SEMA5A: variants seen among roughly 807,000 people sequenced by gnomAD.
SEMA5A encodes the protein semaphorin 5A.
A neutral mutation model predicts 135.5 loss-of-function variants in SEMA5A; 55 were observed. The ratio of observed to expected loss-of-function variants is 0.41; its 90% CI spans 0.33 to 0.51. The LOEUF (loss-of-function observed/expected upper bound fraction) is 0.51, where lower values mean the gene tolerates loss of function less well. Among genes scored for constraint, SEMA5A ranks in the 20% least tolerant of loss-of-function variants. SEMA5A has a pLI of 0.37. For missense variants in SEMA5A, 1,290 were observed against 1,419.9 expected (o/e 0.91, Z 1.47); for synonymous variants, 580 against 546.5 (o/e 1.06, Z -0.85).
chr5:9,424,571 C>T (rs774018481), intron 2 of SEMA5A, among the ~76,000 whole-genome samples: 33 of 152,168 alleles, frequency 2.2e-4, no homozygotes, highest in Non-Finnish European at 2.5e-4. Context: ...TATCTGTCTA[C>T]TCTCTAGACC....
rs1738317197 is a variant in SEMA5A at position 9,545,194 on chromosome 5, C to A, written c.-175+390G>T. Reference sequence around the variant, plus strand: ...AAGTCCCGACCTCCGTGTCCCCTGCCCCCGGCTCGCGGCAGTGCGAGCCTG... The same window carrying A: ...AAGTCCCGACCTCCGTGTCCCCTGCACCCGGCTCGCGGCAGTGCGAGCCTG... On this transcript the variant is annotated intron_variant, in intron 1 of 22. Coordinates refer to ENST00000382496, the MANE Select transcript of SEMA5A (RefSeq NM_003966.3). This position sits in a 1 kb window ranked among gnomAD's most constrained non-coding sequence, Gnocchi z 4.5. 6.6e-6 allele frequency among the ~76,000 whole-genome samples: 1 copy of A among 152,134 alleles called. No homozygotes were observed. The highest frequency in any genetic ancestry group is 1.5e-5 in the Non-Finnish European group (1 of 68,016).
intron 16 of SEMA5A, among the ~76,000 whole-genome samples, chr5:9,093,725 C>A (rs972753807): frequency 4.6e-5 from 7 of 151,500 alleles, no homozygotes; most frequent in African/African-American, 7.3e-5. Context: ...CAAAAAAAAA[C>A]CGAATGACTG....
At chr5:9,190,581 A>ATCATTGAAGTATGCAAACATGTCTGC in intron 10 of SEMA5A, 110 bp from the exon 11 acceptor site, 1 of 947,070 alleles carries the variant, frequency 1.1e-6, no homozygotes, top group Non-Finnish European at 1.6e-6. Context: ...GCCACAATCC[A>ATCATTGAAGTATGCAAACATGTCTGC]TCATTGAAGT....
chr5:9,234,061 C>G (rs1040265188), intron 6 of SEMA5A, among the ~76,000 whole-genome samples: 15 of 152,210 alleles, frequency 9.9e-5, no homozygotes, highest in Non-Finnish European at 2.1e-4. Flanking sequence ...AGCAAAACTA[C>G]AAAACAGCTG....
At chr5:9,322,186 T>C (rs1307109326) in intron 4 of SEMA5A, among the ~76,000 whole-genome samples, 3 of 152,198 alleles carry the variant, frequency 2.0e-5, no homozygotes, top group Non-Finnish European at 4.4e-5. Context: ...ACTCTTCTGA[T>C]CATTATTTTT....
chr5:9,258,008 C>T (rs753019613), intron 5 of SEMA5A, among the ~76,000 whole-genome samples: 5 of 152,152 alleles, frequency 3.3e-5, no homozygotes, highest in African/African-American at 4.8e-5. Context: ...TAGCTGCCAG[C>T]ACCTAGTGCA....
chr5:9,096,323 T>C (rs1739308899), intron 16 of SEMA5A, among the ~76,000 whole-genome samples: 1 of 152,224 alleles, frequency 6.6e-6, no homozygotes, highest in South Asian at 2.1e-4. Context: ...TTGTGTTATT[T>C]GACCTATATC....
intron 11 of SEMA5A, among the ~76,000 whole-genome samples, chr5:9,172,206 G>T (rs189006187): frequency 6.6e-6 from 1 of 152,260 alleles, no homozygotes; most frequent in East Asian, 1.9e-4. Context: ...TATCCAATCC[G>T]TGCACAGAGA....
At chr5:9,050,080 C>T (rs773058215) in intron 21 of SEMA5A, among the ~76,000 whole-genome samples, 1 of 152,128 alleles carries the variant, frequency 6.6e-6, no homozygotes, top group Non-Finnish European at 1.5e-5. Flanking sequence ...GAATCACCTG[C>T]AAGGCTAATT....
At chr5:9,423,259 A>T (rs1450794632) in intron 2 of SEMA5A, among the ~76,000 whole-genome samples, 1 of 152,248 alleles carries the variant, frequency 6.6e-6, no homozygotes, top group Non-Finnish European at 1.5e-5. Context: ...ACGAATTTTT[A>T]AAGTGAGATA....
At chr5:9,321,617 C>G (rs187294805) in intron 4 of SEMA5A, among the ~76,000 whole-genome samples, 25 of 152,266 alleles carry the variant, frequency 1.6e-4, no homozygotes, top group Non-Finnish European at 3.4e-4. Flanking sequence ...CTAAGAAAAA[C>G]ACTTGGAATG....
chr5:9,133,433 T>C (rs1443274234), intron 13 of SEMA5A, among the ~76,000 whole-genome samples: 1 of 152,204 alleles, frequency 6.6e-6, no homozygotes, highest in African/African-American at 2.4e-5. Context: ...TGTATATGCT[T>C]AACTTATCTA....
chr5:9,115,968 C>T (rs1000812511), intron 15 of SEMA5A, among the ~76,000 whole-genome samples: 3 of 152,182 alleles, frequency 2.0e-5, no homozygotes, highest in Non-Finnish European at 2.9e-5. Context: ...CAAGTGACAA[C>T]ACCAGGAAGG....
At position 9,383,631 on chromosome 5, in the gene SEMA5A, G is replaced by A. The variant is rs138221675; in HGVS notation, c.-77-3608C>T. Reference sequence around the variant, plus strand: ...GCCCTGTCATTATCTCCAAGAATGAGTGCAAATCAACTAGGGACTAAGAGC... The same window carrying A: ...GCCCTGTCATTATCTCCAAGAATGAATGCAAATCAACTAGGGACTAAGAGC... On this transcript the variant is annotated intron_variant, in intron 2 of 22. Transcript: ENST00000382496. 3.3e-5 allele frequency among the ~76,000 whole-genome samples: 5 copies of A among 152,314 alleles called. No individual in the cohort carries two copies. In the East Asian group the frequency reaches 9.6e-4, roughly 29 times the overall value.
chr5:9,390,936 G>A (rs1387835873), intron 2 of SEMA5A: 3 of 152,172 alleles, frequency 2.0e-5, no homozygotes, highest in Admixed American at 2.0e-4. Context: ...CCATTTTGCA[G>A]ATGTGGAGAC....
At chr5:9,216,702 T>C (rs1026745747) in intron 8 of SEMA5A, among the ~76,000 whole-genome samples, 5 of 152,230 alleles carry the variant, frequency 3.3e-5, no homozygotes, top group African/African-American at 1.2e-4. Flanking sequence ...AGTTATGTCA[T>C]CTTGTTGAAC....
intron 7 of SEMA5A, among the ~76,000 whole-genome samples, chr5:9,225,949 T>C (rs1747287378): frequency 6.6e-6 from 1 of 152,138 alleles, no homozygotes; most frequent in African/African-American, 2.4e-5. Flanking sequence ...CTGGGTAAGT[T>C]CCTTCAGCTC....
intron 2 of SEMA5A, among the ~76,000 whole-genome samples, chr5:9,393,813 G>T (rs1267468602): frequency 6.6e-6 from 1 of 152,044 alleles, no homozygotes; most frequent in Non-Finnish European, 1.5e-5. Context: ...TTCAACATCT[G>T]CCCAAGAAAT....
At chr5:9,222,631 G>C (rs1045378675) in intron 8 of SEMA5A, among the ~76,000 whole-genome samples, 2 of 152,236 alleles carry the variant, frequency 1.3e-5, no homozygotes, top group African/African-American at 2.4e-5. Context: ...TCTTAGAAAT[G>C]AACAGCAGAA....
Sources: allele counts gnomAD v4.1 joint callset (sites outside exome capture counted in the v4.1 genomes callset), GRCh38; gene constraint gnomAD v4.1.1; non-coding constraint Gnocchi (gnomAD v3.1); transcripts MANE v1.5; gene names NCBI Gene and HGNC (gene_info 2026-07-23, HGNC 2026-07-21).